Variants in ASAP1 observed in about 807,000 individuals in gnomAD.
ASAP1 encodes arf-GAP with SH3 domain, ANK repeat and PH domain-containing protein 1.
Under a neutral mutation model 145.2 loss-of-function variants are expected in ASAP1, and 43 were observed. The observed-to-expected ratio is 0.30, with a 90% CI of 0.23 to 0.38. The LOEUF (loss-of-function observed/expected upper bound fraction) is 0.38, where lower values mean the gene tolerates loss of function less well. Ranked by LOEUF, ASAP1 falls within the 10% of genes least tolerant of loss-of-function variation. The probability of loss-of-function intolerance (pLI) is 1.00; values close to 1 mark genes in which losing one functional copy is unlikely to be tolerated. For missense variants in ASAP1, 1,018 were observed against 1,355.3 expected, an observed-to-expected ratio of 0.75 and a Z score of 3.91; for synonymous variants, 546 against 515.5, an observed-to-expected ratio of 1.06 and a Z score of -0.80.
At chr8:130,274,847 T>C (rs1487698650) in intron 3 of ASAP1, among the ~76,000 whole-genome samples, 1 of 152,236 alleles carries the variant, frequency 6.6e-6, no homozygotes, top group African/African-American at 2.4e-5. Context: ...GGCTCTTAGC[T>C]ACACCTACTG....
chr8:130,179,302 C>T lies in ASAP1; in HGVS notation c.708G>A (p.Leu236=), dbSNP rs1814186261. The change falls in exon 9 of 30, where the codon CTG becomes CTA. Residue 236 remains leucine, a synonymous_variant. Coordinates refer to ENST00000518721, the MANE Select transcript of ASAP1 (RefSeq NM_018482.4). The part of the protein sequence containing the change: ...NEIKTKKGVD[L]LQNLIKYYHA... ...GGTAATACTTTATAAGATTCTGCAG[C>T]AGATCCACACCCTTTTTGGTCTTGA... 2 of 1,608,986 alleles carry T rather than the reference C, an allele frequency of 1.2e-6. No individual in the cohort carries two copies. The highest frequency in any genetic ancestry group is 1.7e-6 in the Non-Finnish European group (2 of 1,176,216).
At chr8:130,163,471 G>T (rs1168429446) in intron 11 of ASAP1, among the ~76,000 whole-genome samples, 1 of 152,162 alleles carries the variant, frequency 6.6e-6, no homozygotes, top group African/African-American at 2.4e-5. Context: ...TCCAGGGTTT[G>T]ACCTCATTAA....
At chr8:130,370,231 G>A (rs1439860648) in intron 2 of ASAP1, among the ~76,000 whole-genome samples, 3 of 152,216 alleles carry the variant, frequency 2.0e-5, no homozygotes, top group Non-Finnish European at 4.4e-5. Context: ...GAACCCAGGA[G>A]GCGGAGGTTG....
At chr8:130,290,478 G>C (rs538748325) in intron 3 of ASAP1, among the ~76,000 whole-genome samples, 2 of 152,272 alleles carry the variant, frequency 1.3e-5, no homozygotes, top group East Asian at 3.9e-4. Flanking sequence ...TCTAACTGTA[G>C]GATCCAAACC....
At chr8:130,262,404 AAAAAAAAAAAAAAG>A (rs1819958619) in intron 3 of ASAP1, among the ~76,000 whole-genome samples, 1 of 114,148 alleles carries the variant, frequency 8.8e-6, no homozygotes, top group Non-Finnish European at 1.7e-5. Flanking sequence ...AAAAAAAAAA[AAAAAAAAAAAAAAG>A]AGAGAGAGAG....
chr8:130,443,182 G>A (rs1282500600), intron 1 of ASAP1, among the ~76,000 whole-genome samples: 1 of 151,922 alleles, frequency 6.6e-6, no homozygotes, highest in African/African-American at 2.4e-5. Flanking sequence ...CCACTGCAGG[G>A]GCCCCCTCTC....
At chr8:130,095,377 C>T (rs912295785) in intron 24 of ASAP1, among the ~76,000 whole-genome samples, 1 of 145,558 alleles carries the variant, frequency 6.9e-6, no homozygotes, top group East Asian at 2.0e-4. Context: ...CTTGGCTCAC[C>T]GTGACCTCCC....
intron 11 of ASAP1, among the ~76,000 whole-genome samples, chr8:130,163,522 T>C (rs1050786637): frequency 5.3e-5 from 8 of 152,236 alleles, no homozygotes; most frequent in Non-Finnish European, 8.8e-5. Flanking sequence ...AAGTTTAGTA[T>C]CAACAATCCT....
At chr8:130,214,847 A>T (rs974677595) in intron 4 of ASAP1, 146 bp from the exon 5 acceptor site, 5 of 633,074 alleles carry the variant, frequency 7.9e-6, no homozygotes, top group Non-Finnish European at 1.3e-5. Flanking sequence ...AGGTTAGGTT[A>T]GGAGTACACT....
intron 3 of ASAP1, among the ~76,000 whole-genome samples, chr8:130,336,527 T>C (rs1489849073): frequency 6.6e-6 from 1 of 152,244 alleles, no homozygotes; most frequent in Non-Finnish European, 1.5e-5. Context: ...TAATATGTGA[T>C]GAATGTCTAC....
At chr8:130,212,377 C>T (rs530188077) in intron 5 of ASAP1, among the ~76,000 whole-genome samples, 7 of 152,204 alleles carry the variant, frequency 4.6e-5, no homozygotes, top group African/African-American at 1.7e-4. Context: ...GGAAAAAGGG[C>T]TGTAGCTTGA....
intron 3 of ASAP1, among the ~76,000 whole-genome samples, chr8:130,298,104 C>T (rs567528232): frequency 1.6e-4 from 24 of 152,334 alleles, no homozygotes; most frequent in African/African-American, 5.5e-4. Flanking sequence ...TCTGCTCTAA[C>T]ATTTTTGGCC....
At chr8:130,079,053 A>T (rs1048476105) in intron 26 of ASAP1, among the ~76,000 whole-genome samples, 9 of 152,060 alleles carry the variant, frequency 5.9e-5, no homozygotes, top group Non-Finnish European at 1.2e-4. Flanking sequence ...AAATCAGCTG[A>T]GTACAGTGAT....
chr8:130,167,611 G>C lies in ASAP1; in HGVS notation c.834C>G (p.Thr278=). ...TTAGCTGTTTCTTTTCTTCATCCTG[G>C]GTCTGTTTTATCTATGAAAAAAAAA... ...LAADLYNIKQ[T]QDEEKKQLTA... is the part of the protein sequence containing the mutation. Residue 278 remains threonine (T), a synonymous_variant, in exon 11 of 30, where the codon ACC becomes ACG. Coordinates refer to ENST00000518721, the MANE Select transcript of ASAP1 (RefSeq NM_018482.4). The C allele has an allele frequency of 6.2e-7, 1 of 1,607,892 alleles. No individual in the cohort carries two copies. The highest frequency in any genetic ancestry group is 8.5e-7 in the Non-Finnish European group (1 of 1,176,290).
intron 9 of ASAP1, among the ~76,000 whole-genome samples, chr8:130,175,769 T>A (rs1813907922): frequency 6.6e-6 from 1 of 152,224 alleles, no homozygotes; most frequent in Non-Finnish European, 1.5e-5. Context: ...AGCAAAATAC[T>A]GATCCTTTCT....
At chr8:130,368,349 CACTT>C (rs1303903818) in intron 2 of ASAP1, among the ~76,000 whole-genome samples, 1 of 152,150 alleles carries the variant, frequency 6.6e-6, no homozygotes, top group Non-Finnish European at 1.5e-5. Context: ...AATTAACTTT[CACTT>C]ACTCCCAACT....
chr8:130,112,022 G>T, intron 24 of ASAP1, 72 bp downstream of exon 24: 2 of 1,403,468 alleles, frequency 1.4e-6, no homozygotes, highest in Non-Finnish European at 1.0e-6. Flanking sequence ...AAGCTGGCTA[G>T]ACTATCAGCT....
At chr8:130,113,094 G>A (rs2097549338) in intron 23 of ASAP1, among the ~76,000 whole-genome samples, 1 of 152,186 alleles carries the variant, frequency 6.6e-6, no homozygotes, top group South Asian at 2.1e-4. Flanking sequence ...TGCAGCCAGA[G>A]CTGGTGGGAA....
At chr8:130,441,398 C>T (rs1037336486) in intron 1 of ASAP1, among the ~76,000 whole-genome samples, 1 of 152,188 alleles carries the variant, frequency 6.6e-6, no homozygotes, top group African/African-American at 2.4e-5. Context: ...GTGGGGATCA[C>T]TCATGCAGTC....
Sources: allele counts gnomAD v4.1 joint callset (sites outside exome capture counted in the v4.1 genomes callset), GRCh38; gene constraint gnomAD v4.1.1; transcripts MANE v1.5; gene names NCBI Gene and HGNC (gene_info 2026-07-23, HGNC 2026-07-21).